PTPRZ1: variants seen among roughly 807,000 people sequenced by gnomAD.
PTPRZ1 encodes the protein protein tyrosine phosphatase receptor type Z1, also known as receptor-type tyrosine-protein phosphatase zeta.
PTPRZ1 carries 82 observed loss-of-function variants against 214.1 expected under a neutral mutation model. The observed-to-expected ratio is 0.38, with a 90% CI of 0.32 to 0.46. The LOEUF (loss-of-function observed/expected upper bound fraction) is 0.46. PTPRZ1 is among the 20% of genes least tolerant of loss of function. The pLI, the probability that PTPRZ1 is intolerant of heterozygous loss-of-function variation, is 1.00. For synonymous variants in PTPRZ1, 945 were observed against 987.9 expected (o/e 0.96, Z 0.81); for missense variants, 2,603 against 2,748.7 (o/e 0.95, Z 1.19).
At chr7:121,989,198 T>C (rs1418297680) in intron 8 of PTPRZ1, among the ~76,000 whole-genome samples, 1 of 152,208 alleles carries the variant, frequency 6.6e-6, no homozygotes, top group East Asian at 1.9e-4. Flanking sequence ...AGAAGTGAGC[T>C]ACTTGCTTTT....
chr7:122,005,432 A>G (rs1419456755), intron 11 of PTPRZ1, among the ~76,000 whole-genome samples: 5 of 151,924 alleles, frequency 3.3e-5, no homozygotes, highest in African/African-American at 1.2e-4. Context: ...AAGTGTGACA[A>G]CTAGTGCTGT....
At chr7:121,976,657 A>T (rs1449063922) in intron 5 of PTPRZ1, 128 bp from the exon 6 acceptor site, 47 of 696,272 alleles carry the variant, frequency 6.8e-5, no homozygotes, top group Non-Finnish European at 9.5e-5. Flanking sequence ...GCTATAAAAA[A>T]AGTGTTTTTG....
intron 13 of PTPRZ1, among the ~76,000 whole-genome samples, chr7:122,020,013 A>C (rs1041527459): frequency 1.4e-4 from 21 of 152,212 alleles, no homozygotes; most frequent in African/African-American, 5.1e-4. Context: ...GTGTAAACCA[A>C]GAAAGGGCAT....
chr7:121,906,560 TA>T (rs1795122190), intron 1 of PTPRZ1, among the ~76,000 whole-genome samples: 1 of 152,158 alleles, frequency 6.6e-6, no homozygotes, highest in South Asian at 2.1e-4. Flanking sequence ...TCATAAGAAA[TA>T]TAATTAAGTT....
Position 122,061,162 on chromosome 7 carries a change from G to T in PTPRZ1, c.6890G>T (p.Ser2297Ile). 1 of 1,610,726 alleles carries T rather than the reference G, an allele frequency of 6.2e-7. No homozygotes were observed. The highest frequency in any genetic ancestry group is 8.5e-7 in the Non-Finnish European group (1 of 1,177,854). Residue 2297 changes from serine (S) to isoleucine (I), a missense_variant, in exon 30 of 30, where the codon AGT becomes ATT. Coordinates refer to ENST00000393386, the MANE Select transcript of PTPRZ1 (RefSeq NM_002851.3). ...QEENPSTSLD[S>I]NGAALPDGNI... ...GAGAATCCATCCACCTCTCTGGACA[G>T]TAATGGTGCAGCATTGCCTGATGGA...
intron 3 of PTPRZ1, among the ~76,000 whole-genome samples, chr7:121,971,009 C>T (rs561272968): frequency 7.9e-5 from 12 of 152,248 alleles, no homozygotes; most frequent in Admixed American, 3.9e-4. Context: ...CCAGTTTCAG[C>T]TTTCTACATA....
At chr7:121,901,859 C>G (rs978108337) in intron 1 of PTPRZ1, among the ~76,000 whole-genome samples, 1 of 152,092 alleles carries the variant, frequency 6.6e-6, no homozygotes, top group African/African-American at 2.4e-5. Context: ...GTGGCAAAAA[C>G]ATTAAAAATT....
chr7:121,974,155 A>G (rs562159191), intron 4 of PTPRZ1, among the ~76,000 whole-genome samples: 1 of 152,190 alleles, frequency 6.6e-6, no homozygotes, highest in African/African-American at 2.4e-5. Flanking sequence ...AAGACTAAAA[A>G]GCTTTTTTTA....
Position 122,013,271 on chromosome 7 carries a change from G to A in PTPRZ1, c.4225G>A (p.Asp1409Asn). 1 of 1,614,022 alleles carries A rather than the reference G, an allele frequency of 6.2e-7. No individual in the cohort carries two copies. Among genetic ancestry groups the A allele is most frequent in the South Asian group, 1.1e-5 (1 of 91,062 alleles). Reference sequence around the variant, plus strand: ...TGAGCTGAGTCATAGTGCCAAATCTGATGCCGGTTTAGTGGGTGGTGGTGA... The same window carrying A: ...TGAGCTGAGTCATAGTGCCAAATCTAATGCCGGTTTAGTGGGTGGTGGTGA... ...TSELSHSAKS[D>N]AGLVGGGEDG... The change falls in exon 12 of 30, where the codon GAT becomes AAT. Residue 1409 changes from aspartate (D) to asparagine (N), a missense_variant. Physicochemically the swap from Asp to Asn is conservative, Grantham distance 23. Around this residue, in one of 6 missense-constraint regions of PTPRZ1, gnomAD observed 1,913 missense variants for 1,914.3 expected, o/e 1.00. Transcript: ENST00000393386.
intron 1 of PTPRZ1, among the ~76,000 whole-genome samples, chr7:121,883,940 T>A (rs1429950137): frequency 1.3e-5 from 2 of 152,156 alleles, no homozygotes; most frequent in East Asian, 3.9e-4. Flanking sequence ...TTTTCTTTAA[T>A]TCATGAAAAA....
chr7:121,876,289 A>G (rs752906475), intron 1 of PTPRZ1, among the ~76,000 whole-genome samples: 1 of 152,230 alleles, frequency 6.6e-6, no homozygotes, highest in Non-Finnish European at 1.5e-5. Flanking sequence ...ACTATGAGTC[A>G]TAGAGGAGAG....
intron 5 of PTPRZ1, among the ~76,000 whole-genome samples, chr7:121,976,544 GTAT>G (rs1208635051): frequency 1.2e-4 from 18 of 151,972 alleles, no homozygotes; most frequent in Admixed American, 7.9e-4. Flanking sequence ...TAATAATTAT[GTAT>G]TATTATCAGT....
rs1351333396 is a variant in PTPRZ1, at chr7:122,012,845, G to A, written c.3799G>A (p.Glu1267Lys). 1.2e-6 allele frequency: 2 copies of A among 1,613,626 alleles called. No individual in the cohort carries two copies. The highest frequency in any genetic ancestry group is 2.2e-5 in the South Asian group (2 of 91,082). Residue 1267 changes from glutamate (E) to lysine (K), a missense_variant, in exon 12 of 30, where the codon GAG (glutamate) becomes AAG (lysine). Coordinates refer to ENST00000393386, the MANE Select transcript of PTPRZ1 (RefSeq NM_002851.3). ...LQGLTISYASEKYEPVLLKSE... is the reference protein window; with the variant it reads ...LQGLTISYASKKYEPVLLKSE... ...AGGTTTGACCATTTCCTATGCAAGT[G>A]AGAAATATGAACCAGTTTTGTTAAA...
intron 1 of PTPRZ1, among the ~76,000 whole-genome samples, chr7:121,895,695 G>C (rs1042496231): frequency 3.3e-5 from 5 of 152,116 alleles, no homozygotes; most frequent in African/African-American, 1.2e-4. Context: ...GACTCAGATT[G>C]GCCTTATGAG....
At chr7:121,975,174 G>A (rs1229459896) in intron 4 of PTPRZ1, among the ~76,000 whole-genome samples, 2 of 152,144 alleles carry the variant, frequency 1.3e-5, no homozygotes, top group Admixed American at 1.3e-4. Context: ...GTGACAGAGT[G>A]AGACCCCCTC....
chr7:121,931,105 A>G (rs970271517), intron 2 of PTPRZ1, among the ~76,000 whole-genome samples: 2 of 152,212 alleles, frequency 1.3e-5, no homozygotes, highest in Non-Finnish European at 1.5e-5. Context: ...CTTTATGAGT[A>G]TTAAAGTTCT....
In PTPRZ1 at chr7:121,877,753, T is replaced by G. The variant is rs575462141; in HGVS notation, c.58+4196T>G. 3.3e-5 allele frequency among the ~76,000 whole-genome samples: 5 copies of G among 152,322 alleles called. No individual in the cohort carries two copies. The South Asian group carries it at 1.0e-3, about 32-fold the overall frequency. ...TTAAATCTTGTTTTAAAGATACTTTTTCTGTTCACAACTAGTCGAAAATAA... is the reference window on the plus strand; with the variant it reads ...TTAAATCTTGTTTTAAAGATACTTTGTCTGTTCACAACTAGTCGAAAATAA... On this transcript the variant is annotated intron_variant, in intron 1 of 29. Transcript: ENST00000393386.
chr7:121,895,561 G>T (rs950357320), intron 1 of PTPRZ1, among the ~76,000 whole-genome samples: 1 of 152,130 alleles, frequency 6.6e-6, no homozygotes, highest in African/African-American at 2.4e-5. Context: ...ATTACAAGTT[G>T]TAAAGGCTTA....
chr7:121,890,948 G>C (rs1200945132), intron 1 of PTPRZ1, among the ~76,000 whole-genome samples: 1 of 151,954 alleles, frequency 6.6e-6, no homozygotes, highest in Non-Finnish European at 1.5e-5. Flanking sequence ...AAAGTTTTGG[G>C]ATTAAAAACT....
Sources: allele counts gnomAD v4.1 joint callset (sites outside exome capture counted in the v4.1 genomes callset), GRCh38; gene constraint gnomAD v4.1.1; regional missense constraint gnomAD v4.1.1; transcripts MANE v1.5; gene names NCBI Gene and HGNC (gene_info 2026-07-23, HGNC 2026-07-21).